Variants in PELI2 observed in about 807,000 individuals in gnomAD.
PELI2 encodes the protein E3 ubiquitin-protein ligase pellino homolog 2.
PELI2 carries 23 observed loss-of-function variants against 42.3 expected under a neutral mutation model. That is an observed-to-expected ratio of 0.54 (90% CI 0.39 to 0.77). The LOEUF is 0.77. Among genes scored for constraint, PELI2 ranks in the 30% least tolerant of loss-of-function variants. The pLI, the probability that PELI2 is intolerant of heterozygous loss-of-function variation, is 0.00. For missense variants in PELI2, 463 were observed against 553.2 expected (o/e 0.84, Z 1.64); for synonymous variants, 245 against 212.2 (o/e 1.15, Z -1.34).
intron 1 of PELI2, among the ~76,000 whole-genome samples, chr14:56,146,381 A>G (rs1262579169): frequency 6.6e-6 from 1 of 152,192 alleles, no homozygotes; most frequent in Non-Finnish European, 1.5e-5. Flanking sequence ...CATATTGTGG[A>G]CCCCTAAGAA....
At chr14:56,221,430 C>G (rs1236408675) in intron 2 of PELI2, among the ~76,000 whole-genome samples, 2 of 152,188 alleles carry the variant, frequency 1.3e-5, no homozygotes, top group African/African-American at 4.8e-5. Flanking sequence ...TTTTCCAACC[C>G]CCTGTACTCC....
chr14:56,119,706 G>C (rs573477729), intron 1 of PELI2: 1 of 913,004 alleles, frequency 1.1e-6, no homozygotes, highest in Admixed American at 6.2e-5. Context: ...AAGGGGAGGG[G>C]GAAGGGGGAA....
intron 1 of PELI2, among the ~76,000 whole-genome samples, chr14:56,150,522 T>C (rs11158077): frequency 0.38 from 57,971 of 151,948 alleles, 12,465 homozygotes; most frequent in South Asian, 0.53. Flanking sequence ...TAGTAGAGTA[T>C]TTATTTATTA....
At chr14:56,118,909 C>T (rs1466354048) in intron 1 of PELI2, among the ~76,000 whole-genome samples, 172 bp downstream of exon 1, 4 of 150,542 alleles carry the variant, frequency 2.7e-5, no homozygotes, top group Admixed American at 6.6e-5. Context: ...TGCGCCCCAT[C>T]GGCGCGCGCT....
At chr14:56,246,992 C>T (rs960995698) in intron 2 of PELI2, among the ~76,000 whole-genome samples, 2 of 152,182 alleles carry the variant, frequency 1.3e-5, no homozygotes, top group South Asian at 2.1e-4. Context: ...TACCTTTTTA[C>T]GTTGTTGGTC....
At chr14:56,168,290 A>G (rs1212318421) in intron 1 of PELI2, among the ~76,000 whole-genome samples, 5 of 152,184 alleles carry the variant, frequency 3.3e-5, no homozygotes, top group Admixed American at 2.6e-4. Flanking sequence ...GGGTGGGTCC[A>G]AAAGTGCTGC....
Position 56,296,661 on chromosome 14 carries a change from T to C in PELI2, c.758T>C (p.Leu253Pro), listed in dbSNP as rs757864526. The C allele has an allele frequency of 6.2e-7, 1 of 1,614,150 alleles. No individual in the cohort carries two copies. The highest frequency in any genetic ancestry group is 1.3e-5 in the African/African-American group (1 of 75,058). ...GSLIDLCGAT[L>P]LWRTADGLFH... ...CTCATTGACCTGTGTGGGGCCACTCTCCTCTGGAGAACAGCAGATGGGCTT... is the reference window on the plus strand; with the variant it reads ...CTCATTGACCTGTGTGGGGCCACTCCCCTCTGGAGAACAGCAGATGGGCTT... Residue 253 changes from leucine (L) to proline (P), a missense_variant, in exon 6 of 6, where the codon CTC (leucine) becomes CCC (proline). Around this residue, in one of 3 missense-constraint regions of PELI2, gnomAD observed 343 missense variants for 378.4 expected, o/e 0.91. Coordinates refer to ENST00000267460, the MANE Select transcript of PELI2 (RefSeq NM_021255.3).
chr14:56,155,449 C>A (rs78540049), intron 1 of PELI2, among the ~76,000 whole-genome samples: 3 of 152,088 alleles, frequency 2.0e-5, no homozygotes, highest in Admixed American at 6.6e-5. Context: ...CTAGCACAAT[C>A]GATTAGATGA....
chr14:56,290,561 A>G (rs889140636), intron 5 of PELI2, 105 bp downstream of exon 5: 1 of 766,146 alleles, frequency 1.3e-6, no homozygotes, highest in Non-Finnish European at 2.0e-6. Context: ...TGCAGGTCCA[A>G]GCGCCATGTA....
Position 56,180,146 on chromosome 14 carries a change from C to T in PELI2, c.207+1682C>T, listed in dbSNP as rs908595437. Among the ~76,000 whole-genome samples the T allele has an allele frequency of 1.3e-5, 2 of 152,060 alleles. No individual in the cohort carries two copies. The highest frequency in any genetic ancestry group is 4.8e-5 in the African/African-American group (2 of 41,380). On this transcript the variant is annotated intron_variant, in intron 2 of 5. Transcript: ENST00000267460. The surrounding 1 kb of genome is among the most constrained non-coding windows in gnomAD (Gnocchi z 4.4). ...TCTAAGTCTGTGTTTAAAAATATTA[C>T]CCACAGTACTAAAAGTAGGGCAGAT...
rs1204746185 is a variant in PELI2, at chr14:56,299,643, A to G, written c.*2477A>G. ...TTCACAGTTGAGTTAGTTTGTGAAA[A>G]TAAAGAACTCTGTAGCTCACCAAGG... On this transcript the variant is annotated 3_prime_UTR_variant, in exon 6 of 6. Transcript: ENST00000267460. 1 of 152,184 alleles carries G rather than the reference A, an allele frequency of 6.6e-6. No individual in the cohort carries two copies. The highest frequency in any genetic ancestry group is 1.5e-5 in the Non-Finnish European group (1 of 68,036). The allele number at this position is 152,184 out of a possible 1,614,324, so 9.4% of individuals were successfully genotyped here.
intron 2 of PELI2, among the ~76,000 whole-genome samples, chr14:56,269,705 T>C (rs1162908021): frequency 6.6e-6 from 1 of 152,068 alleles, no homozygotes; most frequent in Non-Finnish European, 1.5e-5. Flanking sequence ...CCGTGTTGGA[T>C]TGGAGATTCA....
intron 1 of PELI2, among the ~76,000 whole-genome samples, chr14:56,169,267 C>T (rs1057275358): frequency 1.3e-5 from 2 of 152,170 alleles, no homozygotes; most frequent in Admixed American, 1.3e-4. Context: ...CACTAGGACT[C>T]ACCTAAGAGA....
chr14:56,174,899 A>T (rs1231137071), intron 1 of PELI2, among the ~76,000 whole-genome samples: 5 of 152,194 alleles, frequency 3.3e-5, no homozygotes. Flanking sequence ...TCTCCACTTG[A>T]ACTTCATACT....
chr14:56,271,542 A>G (rs1247455797), intron 2 of PELI2, among the ~76,000 whole-genome samples: 7 of 152,220 alleles, frequency 4.6e-5, no homozygotes, highest in Non-Finnish European at 1.0e-4. Context: ...CTGAAATATT[A>G]AATTACCAAT....
chr14:56,167,157 G>C (rs1297957080), intron 1 of PELI2, among the ~76,000 whole-genome samples: 1 of 152,044 alleles, frequency 6.6e-6, no homozygotes, highest in Non-Finnish European at 1.5e-5. Flanking sequence ...TTCTTCTTTG[G>C]ATTAAATCTG....
intron 1 of PELI2, among the ~76,000 whole-genome samples, chr14:56,174,966 A>G (rs553701267): frequency 9.2e-5 from 14 of 152,026 alleles, no homozygotes; most frequent in East Asian, 7.7e-4. Flanking sequence ...TCACCCCTTC[A>G]TTCTCCATTT....
intron 2 of PELI2, among the ~76,000 whole-genome samples, chr14:56,260,694 G>C (rs980835526): frequency 1.3e-5 from 2 of 152,190 alleles, no homozygotes; most frequent in Non-Finnish European, 2.9e-5. Context: ...TGACGATTTG[G>C]TAATCCTTGT....
intron 2 of PELI2, among the ~76,000 whole-genome samples, chr14:56,230,448 A>G (rs1433403978): frequency 6.6e-6 from 1 of 152,348 alleles, no homozygotes; most frequent in Non-Finnish European, 1.5e-5. Context: ...CCAGTATTCA[A>G]CATTCTTAAA....
Sources: gnomAD v4.1 joint callset for allele counts (sites outside exome capture counted in the v4.1 genomes callset) on GRCh38, gnomAD v4.1.1 for gene constraint, gnomAD v4.1.1 regional missense constraint, Gnocchi (gnomAD v3.1) non-coding constraint, MANE v1.5 for transcripts, NCBI Gene and HGNC (gene_info 2026-07-23, HGNC 2026-07-21) for gene names.